DPP10: variants seen among roughly 807,000 people sequenced by gnomAD.
The protein encoded by DPP10 is dipeptidyl peptidase like 10.
Under a neutral mutation model 120.9 loss-of-function variants are expected in DPP10, and 33 were observed. The observed-to-expected ratio is 0.27, with a 90% confidence interval of 0.21 to 0.37. DPP10 has a LOEUF of 0.37. Ranked by LOEUF, DPP10 falls within the 10% of genes least tolerant of loss-of-function variation. The probability of loss-of-function intolerance (pLI) is 1.00; values close to 1 mark genes in which losing one functional copy is unlikely to be tolerated. For synonymous variants in DPP10, 337 were observed against 326.1 expected (o/e 1.03, Z -0.36); for missense variants, 816 against 942.8 (o/e 0.87, Z 1.76).
chr2:114,934,906 T>C (rs1224909119), intron 1 of DPP10, among the ~76,000 whole-genome samples: 1 of 152,186 alleles, frequency 6.6e-6, no homozygotes, highest in Non-Finnish European at 1.5e-5. Context: ...TATTTAAATG[T>C]GTTTTTAATC....
intron 5 of DPP10, among the ~76,000 whole-genome samples, chr2:115,597,011 A>G (rs1230754906): frequency 6.6e-6 from 1 of 152,186 alleles, no homozygotes; most frequent in Admixed American, 6.6e-5. Context: ...GAAGAAAAGC[A>G]TACAGTTTTT....
At chr2:115,840,319 G>GTTTTT (rs1310199623) in intron 24 of DPP10, among the ~76,000 whole-genome samples, 6,287 of 79,476 alleles carry the variant, frequency 0.079, 2,450 homozygotes, top group Middle Eastern at 0.15. Context: ...AGGTTTTTTG[G>GTTTTT]TTTTTTTTTT....
At chr2:115,498,360 G>A (rs2076512102) in intron 3 of DPP10, among the ~76,000 whole-genome samples, 2 of 152,076 alleles carry the variant, frequency 1.3e-5, no homozygotes, top group African/African-American at 4.8e-5. Context: ...GAAGGGGTCA[G>A]AAAATCTTGT....
At chr2:114,553,409 A>G (rs1688044125) in intron 1 of DPP10, among the ~76,000 whole-genome samples, 1 of 152,210 alleles carries the variant, frequency 6.6e-6, no homozygotes, top group Non-Finnish European at 1.5e-5. Flanking sequence ...GTAGGTGGGA[A>G]AGTTGAAGAT....
chr2:115,166,957 A>G (rs1342340885), intron 1 of DPP10, among the ~76,000 whole-genome samples: 1 of 152,188 alleles, frequency 6.6e-6, no homozygotes, highest in Non-Finnish European at 1.5e-5. Flanking sequence ...GAATGCTGTG[A>G]CTAAGATTGT....
intron 1 of DPP10, among the ~76,000 whole-genome samples, chr2:114,955,730 G>A (rs1047773027): frequency 5.3e-5 from 8 of 152,254 alleles, no homozygotes; most frequent in Admixed American, 2.6e-4. Context: ...ACAGCACATT[G>A]AAGCAATTAT....
chr2:115,649,444 A>G (rs1447828922), intron 5 of DPP10, among the ~76,000 whole-genome samples: 2 of 152,148 alleles, frequency 1.3e-5, no homozygotes, highest in Non-Finnish European at 2.9e-5. Context: ...TTTATATGTC[A>G]GTCTTCATTC....
chr2:115,355,875 GTGT>G (rs2064348735), intron 3 of DPP10, among the ~76,000 whole-genome samples: 1 of 152,122 alleles, frequency 6.6e-6, no homozygotes, highest in Non-Finnish European at 1.5e-5. Flanking sequence ...TAGATGTGTG[GTGT>G]TATTTCTGAA....
At chr2:115,347,550 G>T (rs1208695957) in intron 3 of DPP10, among the ~76,000 whole-genome samples, 1 of 152,036 alleles carries the variant, frequency 6.6e-6, no homozygotes, top group South Asian at 2.1e-4. Flanking sequence ...TGTTACATAG[G>T]TATACATGTG....
At chr2:115,299,739 T>A (rs1160068480) in intron 1 of DPP10, among the ~76,000 whole-genome samples, 1 of 152,072 alleles carries the variant, frequency 6.6e-6, no homozygotes, top group Non-Finnish European at 1.5e-5. Context: ...ACATTATTCA[T>A]TAGCACAGAT....
Position 115,689,672 on chromosome 2 carries a change from C to G in DPP10, c.442-15C>G, listed in dbSNP as rs750807464. ...GATAAAGCTATGATCAATAATGTTT[C>G]TTTTTTAATTTCAGATTTTTCATTA... On this transcript the variant is annotated splice_polypyrimidine_tract_variant and intron_variant, in intron 5 of 25. Coordinates refer to ENST00000410059, the MANE Select transcript of DPP10 (RefSeq NM_020868.6). 8.2e-6 allele frequency: 12 copies of G among 1,456,164 alleles called. No individual in the cohort carries two copies. Among genetic ancestry groups the G allele is most frequent in the Non-Finnish European group, 1.1e-5 (12 of 1,063,402 alleles). 90.2% of individuals were successfully genotyped at this position (1,456,164 alleles called of 1,614,324 possible). A position where few individuals can be genotyped will look rare whatever the true frequency, so the allele number is the denominator to read the frequency against.
intron 1 of DPP10, among the ~76,000 whole-genome samples, chr2:114,872,841 A>T (rs562949347): frequency 1.3e-3 from 194 of 152,296 alleles, no homozygotes; most frequent in Admixed American, 2.6e-3. Context: ...CAACAAAAAG[A>T]AAGCTGCATT....
At chr2:115,132,104 T>C (rs983676074) in intron 1 of DPP10, among the ~76,000 whole-genome samples, 1 of 151,912 alleles carries the variant, frequency 6.6e-6, no homozygotes, top group African/African-American at 2.4e-5. Context: ...ATAATAATAA[T>C]AATAATTTCT....
chr2:115,467,208 G>T (rs2074381161), intron 3 of DPP10, among the ~76,000 whole-genome samples: 1 of 152,044 alleles, frequency 6.6e-6, no homozygotes, highest in Non-Finnish European at 1.5e-5. Flanking sequence ...ATGCATGTTT[G>T]CACACACACA....
intron 1 of DPP10, among the ~76,000 whole-genome samples, chr2:114,910,901 T>C (rs1397613502): frequency 6.6e-6 from 1 of 152,192 alleles, no homozygotes; most frequent in Admixed American, 6.5e-5. Flanking sequence ...CTTCCCACTA[T>C]GCAGGGAAGT....
chr2:114,537,871 A>G (rs1160717551), intron 1 of DPP10, among the ~76,000 whole-genome samples: 1 of 152,214 alleles, frequency 6.6e-6, no homozygotes, highest in Non-Finnish European at 1.5e-5. Context: ...GCATGAACAC[A>G]GAAATGCCCA....
chr2:114,942,287 G>GTATATATATAAATATATATATATATA (rs1553458447), intron 1 of DPP10, among the ~76,000 whole-genome samples: 59 of 112,798 alleles, frequency 5.2e-4, no homozygotes, highest in Non-Finnish European at 9.0e-4. Context: ...AAAAAAATGT[G>GTATATATATAAATATATATATATATA]TATATATATA....
intron 7 of DPP10, among the ~76,000 whole-genome samples, chr2:115,727,362 T>C (rs971908164): frequency 6.6e-6 from 1 of 152,158 alleles, no homozygotes; most frequent in African/African-American, 2.4e-5. Flanking sequence ...AGAGAGATTA[T>C]CTAGAGATTA....
At position 114,442,724 on chromosome 2, in the gene DPP10, T is replaced by G; in HGVS notation, c.-55T>G. On this transcript the variant is annotated 5_prime_UTR_variant, in exon 1 of 26. Coordinates refer to ENST00000410059, the MANE Select transcript of DPP10 (RefSeq NM_020868.6). ...GAAGTCCAATAGAGGAGACTTGATC[T>G]CTAGTTCATTCTGGAACTCCGCCTG... 11 of 1,606,946 alleles carry G rather than the reference T, an allele frequency of 6.8e-6. No individual in the cohort carries two copies. The South Asian group carries it at 1.1e-4, about 16-fold the overall frequency.
Sources: gnomAD v4.1 joint callset for allele counts (sites outside exome capture counted in the v4.1 genomes callset) on GRCh38, gnomAD v4.1.1 for gene constraint, MANE v1.5 for transcripts, NCBI Gene and HGNC (gene_info 2026-07-23, HGNC 2026-07-21) for gene names.